The following CNTN3 variants were observed in gnomAD, a reference collection of about 807,000 sequenced individuals.
CNTN3 encodes the protein contactin-3.
In CNTN3, 60 loss-of-function variants were observed where a neutral mutation model predicts 119.1. The observed-to-expected ratio is 0.50, with a 90% CI of 0.41 to 0.62. The LOEUF (loss-of-function observed/expected upper bound fraction) is 0.62, where lower values mean the gene tolerates loss of function less well. Among genes scored for constraint, CNTN3 ranks in the 20% least tolerant of loss-of-function variants. CNTN3 has a pLI of 0.00. For missense variants in CNTN3, 1,101 were observed against 1,242.4 expected (o/e 0.89, Z 1.71); for synonymous variants, 450 against 438.7 (o/e 1.03, Z -0.32).
intron 13 of CNTN3, among the ~76,000 whole-genome samples, chr3:74,305,906 C>G (rs1481816583): frequency 6.6e-6 from 1 of 151,668 alleles, no homozygotes; most frequent in Non-Finnish European, 1.5e-5. Context: ...CCTAAATGCT[C>G]AGCTTTCAAT....
chr3:74,326,894 T>C (rs1432140469), intron 13 of CNTN3, among the ~76,000 whole-genome samples: 1 of 152,144 alleles, frequency 6.6e-6, no homozygotes, highest in Non-Finnish European at 1.5e-5. Context: ...ATATTTCTGG[T>C]ATTTTTCCTT....
At chr3:74,496,831 C>T (rs1292821541) in intron 3 of CNTN3, among the ~76,000 whole-genome samples, 4 of 151,970 alleles carry the variant, frequency 2.6e-5, no homozygotes, top group Non-Finnish European at 4.4e-5. Context: ...AACCCTAAGA[C>T]GAGTAATTTC....
chr3:74,519,445 T>A (rs1331562428), intron 2 of CNTN3, among the ~76,000 whole-genome samples: 2 of 151,850 alleles, frequency 1.3e-5, no homozygotes, highest in Admixed American at 1.3e-4. Context: ...AAATTACAAC[T>A]AAAAATGTGA....
At chr3:74,503,467 A>G (rs1323873464) in intron 2 of CNTN3, among the ~76,000 whole-genome samples, 1 of 152,142 alleles carries the variant, frequency 6.6e-6, no homozygotes, top group Non-Finnish European at 1.5e-5. Context: ...GAAAAGAGAC[A>G]AGGCCTCTCA....
At chr3:74,336,228 A>G (rs976043563) in intron 12 of CNTN3, among the ~76,000 whole-genome samples, 1 of 152,116 alleles carries the variant, frequency 6.6e-6, no homozygotes, top group African/African-American at 2.4e-5. Flanking sequence ...AGTGTATCCT[A>G]AAGACCTGAC....
Position 74,263,666 on chromosome 3 carries a change from T to C in CNTN3, c.*735A>G, listed in dbSNP as rs1575684127. ...AATAAATTCATGCTAATATTTTGCATGGGTCAATTGCATTTGGGGTGACAA... is the reference window on the plus strand; with the variant it reads ...AATAAATTCATGCTAATATTTTGCACGGGTCAATTGCATTTGGGGTGACAA... On this transcript the variant is annotated 3_prime_UTR_variant, in exon 23 of 23. Coordinates refer to ENST00000263665, the MANE Select transcript of CNTN3 (RefSeq NM_020872.3). 6.6e-6 allele frequency: 1 copy of C among 152,100 alleles called. No individual in the cohort carries two copies. Among genetic ancestry groups the C allele is most frequent in the East Asian group, 1.9e-4 (1 of 5,190 alleles). The allele number at this position is 152,100 out of a possible 1,614,324, so 9.4% of individuals were successfully genotyped here.
chr3:74,335,358 T>A (rs1703365623), intron 12 of CNTN3, among the ~76,000 whole-genome samples: 1 of 152,126 alleles, frequency 6.6e-6, no homozygotes, highest in African/African-American at 2.4e-5. Flanking sequence ...ATACAAAAGA[T>A]GCTAGAATAG....
chr3:74,404,430 T>G (rs1705273314), intron 5 of CNTN3, among the ~76,000 whole-genome samples: 1 of 152,086 alleles, frequency 6.6e-6, no homozygotes, highest in South Asian at 2.1e-4. Context: ...TTCGGGCACT[T>G]TGAACATACC....
intron 1 of CNTN3, among the ~76,000 whole-genome samples, chr3:74,567,346 GA>G (rs1447542373): frequency 2.8e-5 from 4 of 143,200 alleles, no homozygotes; most frequent in African/African-American, 5.3e-5. Flanking sequence ...TTTTTGTAGA[GA>G]GGGGGTCTTA....
intron 11 of CNTN3, among the ~76,000 whole-genome samples, chr3:74,339,046 G>A (rs1703466503): frequency 6.6e-6 from 1 of 152,054 alleles, no homozygotes; most frequent in African/African-American, 2.4e-5. Flanking sequence ...TGACAACAAA[G>A]ATTTTCCTAA....
chr3:74,458,120 T>C (rs535627400), intron 4 of CNTN3, among the ~76,000 whole-genome samples: 1 of 152,118 alleles, frequency 6.6e-6, no homozygotes, highest in South Asian at 2.1e-4. Context: ...AAAGTAATTC[T>C]ATAGAGACTG....
chr3:74,301,853 C>T (rs984269155), intron 14 of CNTN3, 48 bp from the exon 15 acceptor site: 1 of 1,582,630 alleles, frequency 6.3e-7, no homozygotes, highest in African/African-American at 1.3e-5. Flanking sequence ...CCATAAATGT[C>T]ATCCTCTCCT....
At chr3:74,291,604 C>T (rs1702232749) in intron 19 of CNTN3, among the ~76,000 whole-genome samples, 1 of 152,160 alleles carries the variant, frequency 6.6e-6, no homozygotes, top group Admixed American at 6.6e-5. Flanking sequence ...TGGTCTCGAT[C>T]TCCTGACCTC....
At chr3:74,441,187 A>AG (rs1248662460) in intron 4 of CNTN3, among the ~76,000 whole-genome samples, 6 of 152,146 alleles carry the variant, frequency 3.9e-5, no homozygotes, top group African/African-American at 1.4e-4. Flanking sequence ...CATCTAACCC[A>AG]GAAAAAACCC....
chr3:74,417,699 A>G (rs1466648981), intron 5 of CNTN3, among the ~76,000 whole-genome samples: 1 of 152,206 alleles, frequency 6.6e-6, no homozygotes, highest in African/African-American at 2.4e-5. Context: ...TATAGAGTAC[A>G]ACAAATGTTT....
intron 1 of CNTN3, among the ~76,000 whole-genome samples, chr3:74,553,491 G>A (rs947800798): frequency 6.6e-6 from 1 of 152,134 alleles, no homozygotes; most frequent in African/African-American, 2.4e-5. Flanking sequence ...TCTAGTTCTA[G>A]ATCCTTGAGG....
intron 1 of CNTN3, among the ~76,000 whole-genome samples, chr3:74,596,215 T>C (rs1226781692): frequency 6.6e-6 from 1 of 152,034 alleles, no homozygotes; most frequent in African/African-American, 2.4e-5. Context: ...GAACATTCCA[T>C]GCTCATGGGT....
intron 4 of CNTN3, among the ~76,000 whole-genome samples, chr3:74,430,453 G>C (rs928228212): frequency 2.0e-5 from 3 of 152,086 alleles, no homozygotes; most frequent in African/African-American, 7.2e-5. Flanking sequence ...TTTAGAAATA[G>C]GGTTTAGTGC....
chr3:74,378,516 G>A (rs1439518604), intron 5 of CNTN3, among the ~76,000 whole-genome samples: 1 of 152,112 alleles, frequency 6.6e-6, no homozygotes, highest in Admixed American at 6.5e-5. Flanking sequence ...TGACCAAGGA[G>A]GAAAAACATT....
Sources: allele counts gnomAD v4.1 joint callset (sites outside exome capture counted in the v4.1 genomes callset), GRCh38; gene constraint gnomAD v4.1.1; transcripts MANE v1.5; gene names NCBI Gene and HGNC (gene_info 2026-07-23, HGNC 2026-07-21).